Variants in PCSK7 observed in about 807,000 individuals in gnomAD.
PCSK7 encodes the protein lymphoma proprotein convertase.
In PCSK7, 38 loss-of-function variants were observed where a neutral mutation model predicts 73.3. The ratio of observed to expected loss-of-function variants is 0.52; its 90% CI spans 0.40 to 0.68. PCSK7 has a LOEUF of 0.68. PCSK7 is among the 30% of genes least tolerant of loss of function. The pLI, the probability that PCSK7 is intolerant of heterozygous loss-of-function variation, is 0.00. For missense variants in PCSK7, 692 were observed against 991.5 expected, an observed-to-expected ratio of 0.70 and a Z score of 4.06; for synonymous variants, 296 against 383.8, an observed-to-expected ratio of 0.77 and a Z score of 2.68.
rs541390598 is a variant in PCSK7, at chr11:117,204,443, G to A, written c.*1554C>T. 1.2e-4 allele frequency: 192 copies of A among 1,592,862 alleles called. 1 individual carries two copies. The highest frequency in any genetic ancestry group is 2.1e-4 in the South Asian group (19 of 89,556). ...CGCTTAGCCTGCCTCACCCACACCC[G>A]TGTGGTACCTTCAGCCCTGGCCAAG... On this transcript the variant is annotated 3_prime_UTR_variant, in exon 17 of 17. Transcript: ENST00000320934.
chr11:117,231,990 C>G (rs2277286), intron 1 of PCSK7, 37 bp downstream of exon 1: 13,434 of 152,610 alleles, frequency 0.088, 854 homozygotes, highest in East Asian at 0.28. Flanking sequence ...GCCCCCTGAC[C>G]ACCCAGGTCC....
intron 12 of PCSK7, chr11:117,215,364 T>TTTTTTTTTTTTTGTG (rs57433360): frequency 1.2e-5 from 1 of 84,920 alleles, no homozygotes; most frequent in Non-Finnish European, 2.0e-5. Context: ...CCTGGCTAAT[T>TTTTTTTTTTTTTGTG]TGTGTGTGTG....
chr11:117,204,502 C>A lies in PCSK7; in HGVS notation c.*1495G>T. ...CTCTGTCACTGAGCAATGGTAACTG[C>A]ACCTGGGCAGCTCCTCCCTGTGCCC... is the stretch of plus-strand genomic sequence containing the variant. On this transcript the variant is annotated 3_prime_UTR_variant, in exon 17 of 17. Coordinates refer to ENST00000320934, the MANE Select transcript of PCSK7 (RefSeq NM_004716.4). 1 of 1,285,052 alleles carries A rather than the reference C, an allele frequency of 7.8e-7. No individual in the cohort carries two copies. The highest frequency in any genetic ancestry group is 1.1e-6 in the Non-Finnish European group (1 of 908,722). 79.6% of individuals were successfully genotyped at this position (1,285,052 alleles called of 1,614,324 possible). A position where few individuals can be genotyped will look rare whatever the true frequency, so the allele number is the denominator to read the frequency against.
chr11:117,227,439 A>G (rs775141463), intron 4 of PCSK7, 117 bp from the exon 5 acceptor site: 161 of 788,320 alleles, frequency 2.0e-4, no homozygotes, highest in Non-Finnish European at 3.1e-4. Context: ...CGATAAGCTC[A>G]TTTCTCATCG....
At chr11:117,227,974 G>A (rs2032496286) in intron 4 of PCSK7, among the ~76,000 whole-genome samples, 1 of 152,212 alleles carries the variant, frequency 6.6e-6, no homozygotes, top group African/African-American at 2.4e-5. Flanking sequence ...GAAGTTGCCT[G>A]CAGGGGCCAC....
chr11:117,225,680 G>C (rs763912661), intron 6 of PCSK7: 4 of 538,484 alleles, frequency 7.4e-6, no homozygotes, highest in Non-Finnish European at 1.0e-5. Context: ...GGCCTTAGGA[G>C]TTTAGAAAAC....
chr11:117,208,690 AG>A, intron 13 of PCSK7: 1 of 439,664 alleles, frequency 2.3e-6, no homozygotes, highest in Non-Finnish European at 3.9e-6. Flanking sequence ...AGTCTAATCT[AG>A]GGGGTTCTTA....
chr11:117,228,208 C>A lies in PCSK7; in HGVS notation c.603+8G>T. 6.2e-7 allele frequency: 1 copy of A among 1,613,016 alleles called. No individual in the cohort carries two copies. Among genetic ancestry groups the A allele is most frequent in the Non-Finnish European group, 8.5e-7 (1 of 1,179,362 alleles). On this transcript the variant is annotated splice_region_variant and intron_variant, in intron 4 of 16. Transcript: ENST00000320934. ...GGGAGTGAGGGGTGTCGTTCCAGGGCCACTCACATAGTTGGGTGCAATGTC... is the reference window on the plus strand; with the variant it reads ...GGGAGTGAGGGGTGTCGTTCCAGGGACACTCACATAGTTGGGTGCAATGTC...
At chr11:117,223,086 G>A (rs559472684) in intron 9 of PCSK7, 122 bp downstream of exon 9, 11 of 715,390 alleles carry the variant, frequency 1.5e-5, no homozygotes, top group Admixed American at 9.4e-5. Context: ...CCAGCTCTGT[G>A]GGGGAAGAGG....
intron 7 of PCSK7, 84 bp downstream of exon 7, chr11:117,224,617 A>G (rs2134323648): frequency 9.1e-7 from 1 of 1,095,576 alleles, no homozygotes; most frequent in Admixed American, 1.7e-5. Context: ...GTGGAGTGGG[A>G]AGATGGGTCA....
At position 117,224,249 on chromosome 11, in the gene PCSK7, G is replaced by A. The variant is rs73580314; in HGVS notation, c.916-33C>T. 5,438 of 1,611,476 alleles carry A rather than the reference G, an allele frequency of 3.4e-3. 166 individuals carry two copies. In the African/African-American group the frequency reaches 0.064, roughly 19 times the overall value. On this transcript the variant is annotated intron_variant, in intron 7 of 16. Coordinates refer to ENST00000320934, the MANE Select transcript of PCSK7 (RefSeq NM_004716.4). ...GCCAAAACATCAGGGTGTCAGTTGAGGAACCCACAGAAAGACCTCCGCCTA... is the reference window on the plus strand; with the variant it reads ...GCCAAAACATCAGGGTGTCAGTTGAAGAACCCACAGAAAGACCTCCGCCTA...
rs1350160972 is a variant in PCSK7, at chr11:117,204,463, G to A, written c.*1534C>T. The A allele has an allele frequency of 1.3e-6, 2 of 1,554,430 alleles. No individual in the cohort carries two copies. Among genetic ancestry groups the A allele is most frequent in the East Asian group, 2.3e-5 (1 of 42,670 alleles). ...CACCCGTGTGGTACCTTCAGCCCTG[G>A]CCAAGCTTTGAGGCTCTGTCACTGA... is the stretch of plus-strand genomic sequence containing the variant. On this transcript the variant is annotated 3_prime_UTR_variant, in exon 17 of 17. Transcript: ENST00000320934.
chr11:117,228,699 C>A (rs2032525125), intron 3 of PCSK7, among the ~76,000 whole-genome samples: 1 of 150,952 alleles, frequency 6.6e-6, no homozygotes, highest in Non-Finnish European at 1.5e-5. Flanking sequence ...CGGCTCACTG[C>A]AAGCTCCGCC....
rs1443607734 is a variant in PCSK7, at chr11:117,229,630, T to C, written c.215A>G (p.Gln72Arg). ...EGDGEEETLE[Q>R]QADALAQAAG... is the part of the protein sequence containing the mutation. Reference sequence around the variant, plus strand: ...TGCCTGGGCCAAGGCATCCGCCTGCTGCTCCAGAGTCTCTTCCTCCCCGTC... The same window carrying C: ...TGCCTGGGCCAAGGCATCCGCCTGCCGCTCCAGAGTCTCTTCCTCCCCGTC... Residue 72 changes from glutamine (Q) to arginine (R), a missense_variant, in exon 3 of 17, where the codon CAG (glutamine) becomes CGG (arginine). By Grantham distance (43) the Gln-to-Arg change is conservative (BLOSUM62 1). Around this residue, in one of 6 missense-constraint regions of PCSK7, gnomAD observed 574 missense variants for 689.8 expected, o/e 0.83. Coordinates refer to ENST00000320934, the MANE Select transcript of PCSK7 (RefSeq NM_004716.4). 3 of 1,614,048 alleles carry C rather than the reference T, an allele frequency of 1.9e-6. No individual in the cohort carries two copies. Among genetic ancestry groups the C allele is most frequent in the Non-Finnish European group, 8.5e-7 (1 of 1,179,876 alleles).
rs1437730795 is a variant in PCSK7, at chr11:117,205,391, G to C, written c.*606C>G. ...TGCAGTCCTGCCGCAGGATTCCCTA[G>C]TGAAGCAGCTCAGGCCTGGGGGAGC... On this transcript the variant is annotated 3_prime_UTR_variant, in exon 17 of 17. Coordinates refer to ENST00000320934, the MANE Select transcript of PCSK7 (RefSeq NM_004716.4). 2.1e-5 allele frequency: 5 copies of C among 233,442 alleles called. No individual in the cohort carries two copies. Among genetic ancestry groups the C allele is most frequent in the Non-Finnish European group, 4.2e-5 (5 of 117,978 alleles). 14.5% of individuals were successfully genotyped at this position (233,442 alleles called of 1,614,324 possible).
intron 8 of PCSK7, chr11:117,223,712 T>C (rs552118514): frequency 2.6e-5 from 9 of 350,834 alleles, no homozygotes; most frequent in Admixed American, 2.2e-4. Context: ...GTCAGGTAAG[T>C]AAATAAACAC....
chr11:117,214,067 C>T (rs1320631443), intron 12 of PCSK7: 1 of 147,746 alleles, frequency 6.8e-6, no homozygotes, highest in Non-Finnish European at 1.5e-5. Context: ...AGCAATTCTC[C>T]TGCCTCAGCC....
intron 12 of PCSK7, chr11:117,212,314 G>A (rs1463027719): frequency 6.6e-6 from 1 of 151,976 alleles, no homozygotes; most frequent in Non-Finnish European, 1.5e-5. Context: ...TATGGCAGAT[G>A]AGAATCTAAC....
intron 6 of PCSK7, 199 bp from the exon 7 acceptor site, chr11:117,224,954 C>T (rs1375972489): frequency 1.2e-5 from 7 of 580,362 alleles, no homozygotes; most frequent in Middle Eastern, 4.6e-4. Flanking sequence ...CAGAAGTGTG[C>T]TAAGGCTCTT....
Sources: gnomAD v4.1 joint callset for allele counts (sites outside exome capture counted in the v4.1 genomes callset) on GRCh38, gnomAD v4.1.1 for gene constraint, gnomAD v4.1.1 regional missense constraint, MANE v1.5 for transcripts, NCBI Gene and HGNC (gene_info 2026-07-23, HGNC 2026-07-21) for gene names.